The following RAPGEF3 variants were observed in gnomAD, a reference collection of about 807,000 sequenced individuals.
The protein encoded by RAPGEF3 is Rap guanine nucleotide exchange factor 3, also known as 9330170P05Rik.
Under a neutral mutation model 129.8 loss-of-function variants are expected in RAPGEF3, and 103 were observed. The ratio of observed to expected loss-of-function variants is 0.79; its 90% confidence interval spans 0.68 to 0.93. The LOEUF (loss-of-function observed/expected upper bound fraction) is 0.93, where lower values mean the gene tolerates loss of function less well. RAPGEF3 is among the 40% of genes least tolerant of loss of function. RAPGEF3 has a pLI of 0.00. For synonymous variants in RAPGEF3, 436 were observed against 482.6 expected (o/e 0.90, Z 1.26); for missense variants, 1,117 against 1,207.4 (o/e 0.93, Z 1.11).
chr12:47,739,947 C>A, intron 23 of RAPGEF3, 194 bp downstream of exon 23: 1 of 661,490 alleles, frequency 1.5e-6, no homozygotes, highest in Non-Finnish European at 2.7e-6. Context: ...TATCCTAGTG[C>A]TGAACACCCC....
At position 47,743,576 on chromosome 12, in the gene RAPGEF3, ATCC is replaced by A; in HGVS notation, c.1776_1778del (p.Glu592del). On this transcript the variant is annotated inframe_deletion, in exon 18 of 28. Transcript: ENST00000449771. The stretch of plus-strand genomic sequence containing the variant: ...CCAGCACCTGCCCCTTGGTCCAGCC[ATCC>A]TCCTGGGCCAACGCTGCCATCACCT... 1 of 1,614,156 alleles carries A rather than the reference ATCC, an allele frequency of 6.2e-7. No individual in the cohort carries two copies. The highest frequency in any genetic ancestry group is 8.5e-7 in the Non-Finnish European group (1 of 1,179,996).
At chr12:47,750,104 G>T in intron 7 of RAPGEF3, 114 bp from the exon 8 acceptor site, 2 of 1,281,564 alleles carry the variant, frequency 1.6e-6, no homozygotes, top group Non-Finnish European at 2.3e-6. Flanking sequence ...ACAAAGATGT[G>T]GCCAGGTCAG....
intron 2 of RAPGEF3, among the ~76,000 whole-genome samples, chr12:47,757,608 A>G (rs1942155822): frequency 6.6e-6 from 1 of 152,136 alleles, no homozygotes; most frequent in Admixed American, 6.5e-5. Flanking sequence ...ACAGATAAAC[A>G]ACAAATCCCT....
rs372112971 is a variant in RAPGEF3, at chr12:47,737,584, G to A, written c.2755C>T (p.Arg919Ter). ...GCCCCTCCTCATGGCTCCAGCTCTC[G>A]GGAGAGGCGGGAGAGTTCCCGCTGG... is the stretch of plus-strand genomic sequence containing the variant. Reference protein sequence around the residue: ...DNQRELSRLSRELEP With the variant: ...DNQRELSRLS Residue 919 changes from arginine to a stop codon, truncating the protein, a stop_gained, in exon 28 of 28, where the codon CGA (arginine) becomes TGA (stop). Transcript: ENST00000449771. LOFTEE classifies it high-confidence loss of function. 1.9e-6 allele frequency: 3 copies of A among 1,591,476 alleles called. No individual in the cohort carries two copies. The highest frequency in any genetic ancestry group is 1.1e-5 in the South Asian group (1 of 87,712).
intron 18 of RAPGEF3, among the ~76,000 whole-genome samples, chr12:47,742,865 TTA>T (rs927082085): frequency 6.6e-6 from 1 of 152,208 alleles, no homozygotes; most frequent in African/African-American, 2.4e-5. Flanking sequence ...CTGACCTGTT[TTA>T]CCTGCTGTGG....
At chr12:47,746,207 G>A (rs944929214) in intron 16 of RAPGEF3, 6 of 186,860 alleles carry the variant, frequency 3.2e-5, no homozygotes, top group South Asian at 2.0e-4. Flanking sequence ...AACGGGCTTC[G>A]CCTGCGGAGG....
At chr12:47,755,358 A>C (rs1164661432) in intron 2 of RAPGEF3, among the ~76,000 whole-genome samples, 3 of 152,212 alleles carry the variant, frequency 2.0e-5, no homozygotes, top group Non-Finnish European at 2.9e-5. Context: ...AATGTCTGGC[A>C]CATAAGTACT....
chr12:47,737,419 G>A lies in RAPGEF3; in HGVS notation c.*148C>T. Reference sequence around the variant, plus strand: ...TAGCTGCCAGTCATCACAGGGGATGGCTGCCTCCACACTGCCTGCTCCAGG... The same window carrying A: ...TAGCTGCCAGTCATCACAGGGGATGACTGCCTCCACACTGCCTGCTCCAGG... On this transcript the variant is annotated 3_prime_UTR_variant, in exon 28 of 28. Coordinates refer to ENST00000449771, the MANE Select transcript of RAPGEF3 (RefSeq NM_001098531.4). 1 of 661,204 alleles carries A rather than the reference G, an allele frequency of 1.5e-6. No homozygotes were observed. Among genetic ancestry groups the A allele is most frequent in the South Asian group, 1.9e-5 (1 of 53,494 alleles). 41.0% of individuals were successfully genotyped at this position (661,204 alleles called of 1,614,324 possible). A position where few individuals can be genotyped will look rare whatever the true frequency, so the allele number is the denominator to read the frequency against.
chr12:47,757,865 C>T lies in RAPGEF3; in HGVS notation c.219+1G>A. On this transcript the variant is annotated splice_donor_variant, in intron 2 of 27. Coordinates refer to ENST00000449771, the MANE Select transcript of RAPGEF3 (RefSeq NM_001098531.4). LOFTEE classifies it high-confidence loss of function. ...CACCTGGGCAGGTGAAAGGTACTCACCCAGCGCAGCCCCTGGATGCAGCTC... is the reference window on the plus strand; with the variant it reads ...CACCTGGGCAGGTGAAAGGTACTCATCCAGCGCAGCCCCTGGATGCAGCTC... 6.4e-7 allele frequency: 1 copy of T among 1,552,886 alleles called. No individual in the cohort carries two copies. Among genetic ancestry groups the T allele is most frequent in the Non-Finnish European group, 8.7e-7 (1 of 1,148,616 alleles).
At chr12:47,751,329 G>C in intron 5 of RAPGEF3, 70 bp downstream of exon 5, 2 of 1,600,844 alleles carry the variant, frequency 1.2e-6, no homozygotes, top group Non-Finnish European at 1.7e-6. Context: ...CTGCTTCCCA[G>C]GACTGCCCTG....
intron 23 of RAPGEF3, chr12:47,739,457 G>T: frequency 2.9e-6 from 2 of 694,454 alleles, no homozygotes; most frequent in Admixed American, 2.0e-5. Flanking sequence ...GGGGCCCCAG[G>T]TTTCTTGGAA....
In RAPGEF3 at chr12:47,737,544, C is replaced by G. The variant is rs750543310; in HGVS notation, c.*23G>C. On this transcript the variant is annotated 3_prime_UTR_variant, in exon 28 of 28. Coordinates refer to ENST00000449771, the MANE Select transcript of RAPGEF3 (RefSeq NM_001098531.4). The stretch of plus-strand genomic sequence containing the variant: ...GCTTTCCCGGCTGCAAGTGCCTGCT[C>G]CAGCTCCAGTCCCAGCCCCTCCTCA... 4 of 1,603,296 alleles carry G rather than the reference C, an allele frequency of 2.5e-6. No homozygotes were observed. The highest frequency in any genetic ancestry group is 3.4e-6 in the Non-Finnish European group (4 of 1,173,442).
At position 47,748,834 on chromosome 12, in the gene RAPGEF3, G is replaced by T; in HGVS notation, c.1139C>A (p.Thr380Asn). Reference protein sequence around the residue: ...SQGAGPSRPPTPGRNRYTVMS... With the variant: ...SQGAGPSRPPNPGRNRYTVMS... Reference sequence around the variant, plus strand: ...GGTGTATTACCGGTTCCTGCCTGGGGTTGGGGGTCGGGAAGGGCCGGCGCC... The same window carrying T: ...GGTGTATTACCGGTTCCTGCCTGGGTTTGGGGGTCGGGAAGGGCCGGCGCC... Residue 380 changes from threonine to asparagine, a missense_variant, in exon 11 of 28, where the codon ACC (threonine) becomes AAC (asparagine). This residue lies in a region of RAPGEF3 where 107 missense variants were observed against 160.7 expected (regional missense o/e 0.67). Coordinates refer to ENST00000449771, the MANE Select transcript of RAPGEF3 (RefSeq NM_001098531.4). 2 of 1,612,844 alleles carry T rather than the reference G, an allele frequency of 1.2e-6. No homozygotes were observed. The highest frequency in any genetic ancestry group is 1.7e-6 in the Non-Finnish European group (2 of 1,178,828).
chr12:47,739,847 A>C, intron 23 of RAPGEF3: 1 of 517,328 alleles, frequency 1.9e-6, no homozygotes, highest in Non-Finnish European at 3.5e-6. Flanking sequence ...AGACCCCAGG[A>C]CTGGACACCC....
intron 2 of RAPGEF3, among the ~76,000 whole-genome samples, chr12:47,757,639 A>C (rs1300016719): frequency 6.6e-6 from 1 of 152,092 alleles, no homozygotes; most frequent in Non-Finnish European, 1.5e-5. Flanking sequence ...CCCCATGCCC[A>C]AACAGAGACA....
Position 47,751,062 on chromosome 12 carries a change from C to T in RAPGEF3, c.657G>A (p.Val219=). 3 of 1,597,314 alleles carry T rather than the reference C, an allele frequency of 1.9e-6. No homozygotes were observed. Among genetic ancestry groups the T allele is most frequent in the Non-Finnish European group, 2.6e-6 (3 of 1,173,022 alleles). The part of the protein sequence containing the change: ...SQRGPDALLT[V]ALRKPPGQRT... ...TTCTGACTCACGGCTTTCGAAGTGC[C>T]ACAGTGAGCAGGGCGTCAGGCCCCC... The change falls in exon 6 of 28, where the codon GTG becomes GTA. Residue 219 remains valine (V), a synonymous_variant. Coordinates refer to ENST00000449771, the MANE Select transcript of RAPGEF3 (RefSeq NM_001098531.4).
Position 47,738,580 on chromosome 12 carries a change from C to T in RAPGEF3, c.2526+110G>A, listed in dbSNP as rs768866013. On this transcript the variant is annotated intron_variant, in intron 25 of 27. Transcript: ENST00000449771. ...CTATTACACAGTAAGTATTCATCCT[C>T]ATATTATTCATAACAAGTTTAAGCT... 462 of 977,432 alleles carry T rather than the reference C, an allele frequency of 4.7e-4. 1 individual carries two copies. The highest frequency in any genetic ancestry group is 6.8e-4 in the Non-Finnish European group (415 of 609,772). The allele number at this position is 977,432 out of a possible 1,614,324, so 60.5% of individuals were successfully genotyped here.
intron 2 of RAPGEF3, chr12:47,754,107 A>T (rs1941914127): frequency 6.6e-6 from 1 of 152,256 alleles, no homozygotes; most frequent in Non-Finnish European, 1.5e-5. Flanking sequence ...AGCTAGAGAA[A>T]AGAAAGCTCC....
In RAPGEF3 at chr12:47,744,023, G is replaced by A; in HGVS notation, c.1642C>T (p.Pro548Ser). ...ACTTGGATGGCACAGCTGCTGCCAG[G>A]AAGGGGCTCGTCCTGGTTGGGGAGC... ...VWLPNQDEPL[P>S]GSSCAIQVGD... is the part of the protein sequence containing the mutation. The change falls in exon 17 of 28, where the codon CCT becomes TCT. Residue 548 changes from proline (P) to serine (S), a missense_variant. By Grantham distance (74) the Pro-to-Ser change is moderately conservative. This residue lies in a region of RAPGEF3 where 643 missense variants were observed against 673.4 expected (regional missense o/e 0.95). Coordinates refer to ENST00000449771, the MANE Select transcript of RAPGEF3 (RefSeq NM_001098531.4). 1 of 1,612,602 alleles carries A rather than the reference G, an allele frequency of 6.2e-7. No homozygotes were observed. The highest frequency in any genetic ancestry group is 8.5e-7 in the Non-Finnish European group (1 of 1,178,650).
Sources: gnomAD v4.1 joint callset for allele counts (sites outside exome capture counted in the v4.1 genomes callset) on GRCh38, gnomAD v4.1.1 for gene constraint, gnomAD v4.1.1 regional missense constraint, MANE v1.5 for transcripts, NCBI Gene and HGNC (gene_info 2026-07-23, HGNC 2026-07-21) for gene names.